CCDC85C: variants seen among roughly 807,000 people sequenced by gnomAD.
CCDC85C encodes coiled-coil domain containing 85C.
Under a neutral mutation model 38.3 loss-of-function variants are expected in CCDC85C, and 18 were observed. The ratio of observed to expected loss-of-function variants is 0.47; its 90% CI spans 0.33 to 0.70. The LOEUF is 0.70. Among genes scored for constraint, CCDC85C ranks in the 30% least tolerant of loss-of-function variants. The pLI is 0.03. For missense variants in CCDC85C, 566 were observed against 621.2 expected, an observed-to-expected ratio of 0.91 and a Z score of 0.94; for synonymous variants, 264 against 293.8, an observed-to-expected ratio of 0.90 and a Z score of 1.04.
chr14:99,556,352 T>C (rs1300411238), intron 1 of CCDC85C, among the ~76,000 whole-genome samples: 1 of 152,192 alleles, frequency 6.6e-6, no homozygotes, highest in Non-Finnish European at 1.5e-5. Flanking sequence ...CTGTTGAGGT[T>C]GCAGTGAACT....
chr14:99,538,127 T>G (rs1182441381), intron 1 of CCDC85C, among the ~76,000 whole-genome samples: 2 of 152,188 alleles, frequency 1.3e-5, no homozygotes, highest in Non-Finnish European at 2.9e-5. Flanking sequence ...TGGTACCCCC[T>G]GCATCTGATG....
At position 99,509,513 on chromosome 14, in the gene CCDC85C, C is replaced by CGCAGCACGCACAGACAT. The variant is rs1474631630; in HGVS notation, c.*5716_*5732dup. On this transcript the variant is annotated 3_prime_UTR_variant, in exon 6 of 6. Transcript: ENST00000380243. ...GCTGCACACGCAGCACGCACACACA[C>CGCAGCACGCACAGACAT]GCAGCACGCACAGACATGCAGCACG... 2 of 152,784 alleles carry CGCAGCACGCACAGACAT rather than the reference C, an allele frequency of 1.3e-5. No individual in the cohort carries two copies. The highest frequency in any genetic ancestry group is 4.8e-5 in the African/African-American group (2 of 41,238). 9.5% of individuals were successfully genotyped at this position (152,784 alleles called of 1,614,324 possible).
rs1897157450 is a variant in CCDC85C, at chr14:99,512,679, G to A, written c.*2567C>T. 6.6e-6 allele frequency: 1 copy of A among 152,206 alleles called. No homozygotes were observed. The allele number at this position is 152,206 out of a possible 1,614,324, so 9.4% of individuals were successfully genotyped here. On this transcript the variant is annotated 3_prime_UTR_variant, in exon 6 of 6. Coordinates refer to ENST00000380243, the MANE Select transcript of CCDC85C (RefSeq NM_001144995.2). The stretch of plus-strand genomic sequence containing the variant: ...GTGCCAGTGCCGCGTCCGGCTTCAA[G>A]ATCAAGAGTCAGAGCCTTTGAAATG...
intron 1 of CCDC85C, among the ~76,000 whole-genome samples, chr14:99,537,093 G>T (rs7151018): frequency 0.048 from 7,264 of 152,206 alleles, 569 homozygotes; most frequent in African/African-American, 0.17. Context: ...GAGCCACGAA[G>T]CCACCTGGTA....
At chr14:99,575,855 C>G (rs10135037) in intron 1 of CCDC85C, among the ~76,000 whole-genome samples, 12,050 of 152,242 alleles carry the variant, frequency 0.079, 774 homozygotes, top group African/African-American at 0.18. Context: ...CGCTGCTACA[C>G]GGACTAACCC....
At chr14:99,600,262 G>A (rs1349995135) in intron 1 of CCDC85C, among the ~76,000 whole-genome samples, 2 of 124,820 alleles carry the variant, frequency 1.6e-5, no homozygotes, top group African/African-American at 6.0e-5. Flanking sequence ...ACTCAACCTT[G>A]TGTGAATAAT....
intron 1 of CCDC85C, among the ~76,000 whole-genome samples, chr14:99,577,826 C>T (rs1217471289): frequency 6.9e-6 from 1 of 143,970 alleles, no homozygotes; most frequent in African/African-American, 2.7e-5. Flanking sequence ...CACATCACAC[C>T]CATACAGCCC....
In CCDC85C at chr14:99,590,940, C is replaced by T. The variant is rs570836026; in HGVS notation, c.793+12227G>A. Among the ~76,000 whole-genome samples, 35 of 152,348 alleles carry T rather than the reference C, an allele frequency of 2.3e-4. No individual in the cohort carries two copies. In the East Asian group the frequency reaches 4.6e-3, roughly 20 times the overall value. ...CAGCTGCAGTGCTAATGGCCTTATCCGCCAGGGACGGCCAGAGTAATGGCC... is the reference window on the plus strand; with the variant it reads ...CAGCTGCAGTGCTAATGGCCTTATCTGCCAGGGACGGCCAGAGTAATGGCC... On this transcript the variant is annotated intron_variant, in intron 1 of 5. Transcript: ENST00000380243.
At chr14:99,562,773 G>A (rs1898142509) in intron 1 of CCDC85C, among the ~76,000 whole-genome samples, 1 of 151,790 alleles carries the variant, frequency 6.6e-6, no homozygotes, top group African/African-American at 2.4e-5. Context: ...GTGTACAAAT[G>A]TATGCACATG....
intron 1 of CCDC85C, among the ~76,000 whole-genome samples, chr14:99,585,176 C>A (rs2055013598): frequency 6.6e-6 from 1 of 152,212 alleles, no homozygotes; most frequent in African/African-American, 2.4e-5. Context: ...TGCCGATAAC[C>A]AATAACATGT....
At chr14:99,522,483 C>G in intron 2 of CCDC85C, 1 of 406,240 alleles carries the variant, frequency 2.5e-6, no homozygotes, top group South Asian at 3.5e-5. Flanking sequence ...TGTTGGATGG[C>G]TGAATAAACA....
At chr14:99,586,772 G>C (rs962914262) in intron 1 of CCDC85C, among the ~76,000 whole-genome samples, 3 of 152,104 alleles carry the variant, frequency 2.0e-5, no homozygotes, top group Admixed American at 6.5e-5. Flanking sequence ...GGGACCCCCA[G>C]CCAGCCACTC....
rs1017886399 is a variant in CCDC85C, at chr14:99,522,277, C to A, written c.868-37G>T. 2.7e-6 allele frequency: 4 copies of A among 1,475,860 alleles called. No individual in the cohort carries two copies. The East Asian group carries it at 9.9e-5, about 37-fold the overall frequency. 91.4% of individuals were successfully genotyped at this position (1,475,860 alleles called of 1,614,324 possible). On this transcript the variant is annotated intron_variant, in intron 2 of 5. Coordinates refer to ENST00000380243, the MANE Select transcript of CCDC85C (RefSeq NM_001144995.2). Reference sequence around the variant, plus strand: ...AGAAGGAGAGGGGTTAGACGGAGGGCCAGGCTGAGGAGGACAAGGGCCCTG... The same window carrying A: ...AGAAGGAGAGGGGTTAGACGGAGGGACAGGCTGAGGAGGACAAGGGCCCTG...
At position 99,507,910 on chromosome 14, in the gene CCDC85C, TGTAAA is replaced by T. The variant is rs1001850143; in HGVS notation, c.*7331_*7335del. ...ACCGCTGGCAATAGAGGAGAAAAGC[TGTAAA>T]GTAGATGGCATTCTTTACCTGTGGC... On this transcript the variant is annotated 3_prime_UTR_variant, in exon 6 of 6. Coordinates refer to ENST00000380243, the MANE Select transcript of CCDC85C (RefSeq NM_001144995.2). The T allele has an allele frequency of 6.6e-6, 1 of 152,258 alleles. No individual in the cohort carries two copies. The highest frequency in any genetic ancestry group is 1.5e-5 in the Non-Finnish European group (1 of 68,052). 9.4% of individuals were successfully genotyped at this position (152,258 alleles called of 1,614,324 possible).
rs1390386370 is a variant in CCDC85C at position 99,516,486 on chromosome 14, G to A, written c.1072-200C>T. On this transcript the variant is annotated intron_variant, in intron 4 of 5. Coordinates refer to ENST00000380243, the MANE Select transcript of CCDC85C (RefSeq NM_001144995.2). This position sits in a 1 kb window ranked among gnomAD's most constrained non-coding sequence, Gnocchi z 5.5. ...TGCTGACACTGGATGCCCTACAAGGGAAGCAGCTCATGGCTGGGCCACCCG... is the reference window on the plus strand; with the variant it reads ...TGCTGACACTGGATGCCCTACAAGGAAAGCAGCTCATGGCTGGGCCACCCG... Among the ~76,000 whole-genome samples the A allele has an allele frequency of 2.0e-5, 3 of 152,180 alleles. No homozygotes were observed. Among genetic ancestry groups the A allele is most frequent in the African/African-American group, 7.2e-5 (3 of 41,428 alleles).
intron 1 of CCDC85C, among the ~76,000 whole-genome samples, chr14:99,601,722 A>C (rs891548524): frequency 2.0e-5 from 3 of 152,174 alleles, no homozygotes; most frequent in African/African-American, 7.2e-5. Flanking sequence ...ACTGCCCTGA[A>C]GCAGCCTGTG....
chr14:99,545,588 A>G lies in CCDC85C; in HGVS notation c.794-9500T>C, dbSNP rs1225082308. Among the ~76,000 whole-genome samples, 1 of 152,052 alleles carries G rather than the reference A, an allele frequency of 6.6e-6. No homozygotes were observed. Among genetic ancestry groups the G allele is most frequent in the Non-Finnish European group, 1.5e-5 (1 of 68,010 alleles). On this transcript the variant is annotated intron_variant, in intron 1 of 5. Coordinates refer to ENST00000380243, the MANE Select transcript of CCDC85C (RefSeq NM_001144995.2). The surrounding 1 kb of genome is among the most constrained non-coding windows in gnomAD (Gnocchi z 4.7). ...GTGAGACGGTGGTGCAGGTGTCGGC[A>G]CTGTTAATGCCCATCACACTCCCCT... is the stretch of plus-strand genomic sequence containing the variant.
chr14:99,563,254 C>T (rs558395497), intron 1 of CCDC85C, among the ~76,000 whole-genome samples: 49 of 152,394 alleles, frequency 3.2e-4, no homozygotes, highest in Admixed American at 2.8e-3. Context: ...CCTGCTTCTC[C>T]GTCCACTCCT....
chr14:99,541,706 G>A (rs995640450), intron 1 of CCDC85C, among the ~76,000 whole-genome samples: 2 of 152,212 alleles, frequency 1.3e-5, no homozygotes, highest in Non-Finnish European at 2.9e-5. Flanking sequence ...AGCTGCAGGT[G>A]CCAGCAGGCG....
Sources: allele counts gnomAD v4.1 joint callset (sites outside exome capture counted in the v4.1 genomes callset), GRCh38; gene constraint gnomAD v4.1.1; non-coding constraint Gnocchi (gnomAD v3.1); transcripts MANE v1.5; gene names NCBI Gene and HGNC (gene_info 2026-07-23, HGNC 2026-07-21).